Variants in PRDM6 observed in about 807,000 individuals in gnomAD.
PRDM6 encodes PR/SET domain 6.
PRDM6 carries 25 observed loss-of-function variants against 60.8 expected under a neutral mutation model. That is an observed-to-expected ratio of 0.41 (90% CI 0.30 to 0.57). The LOEUF is 0.57. PRDM6 is among the 20% of genes least tolerant of loss of function. PRDM6 has a pLI of 0.27. For missense variants in PRDM6, 839 were observed against 821.3 expected (o/e 1.02, Z -0.26); for synonymous variants, 407 against 357.4 (o/e 1.14, Z -1.57).
chr5:123,167,649 A>G (rs1452955902), intron 5 of PRDM6, among the ~76,000 whole-genome samples: 1 of 152,188 alleles, frequency 6.6e-6, no homozygotes, highest in Non-Finnish European at 1.5e-5. Context: ...TCAGCCTCCC[A>G]AAGTGCTGGG....
intron 5 of PRDM6, among the ~76,000 whole-genome samples, chr5:123,161,852 C>T (rs60817479): frequency 2.6e-5 from 4 of 152,070 alleles, no homozygotes; most frequent in Non-Finnish European, 4.4e-5. Context: ...GGAATAATCC[C>T]TGAGTGGAGA....
chr5:123,090,963 G>C (rs990436942), intron 2 of PRDM6, among the ~76,000 whole-genome samples: 1 of 152,216 alleles, frequency 6.6e-6, no homozygotes, highest in African/African-American at 2.4e-5. Flanking sequence ...GGTACTGGCA[G>C]CGTGTGACAG....
intron 3 of PRDM6, among the ~76,000 whole-genome samples, chr5:123,103,169 G>A (rs337123): frequency 0.12 from 18,749 of 151,820 alleles, 1,313 homozygotes; most frequent in East Asian, 0.26. Context: ...TGACTCTTCT[G>A]GGTATTTATG....
chr5:123,098,748 T>C (rs1561801751), intron 2 of PRDM6, among the ~76,000 whole-genome samples: 2 of 152,174 alleles, frequency 1.3e-5, no homozygotes, highest in Non-Finnish European at 2.9e-5. Context: ...ATTAGGCTGA[T>C]CGTTAAATTT....
At chr5:123,117,694 A>G (rs1286598044) in intron 3 of PRDM6, among the ~76,000 whole-genome samples, 1 of 152,240 alleles carries the variant, frequency 6.6e-6, no homozygotes, top group African/African-American at 2.4e-5. Context: ...GTTCTGTTTA[A>G]TCTTGCCAAA....
Position 123,191,540 on chromosome 5 carries a change from A to T in PRDM6, c.*4339A>T, listed in dbSNP as rs575904115. On this transcript the variant is annotated 3_prime_UTR_variant, in exon 8 of 8. Transcript: ENST00000407847. ...TTTTATTTCCCAGAGTCTTTACTAG[A>T]TCCTGACATCAGATTTTAAAAGATA... 1.2e-3 allele frequency: 184 copies of T among 152,298 alleles called. No homozygotes were observed. The highest frequency in any genetic ancestry group is 4.1e-3 in the African/African-American group (169 of 41,564). 9.4% of individuals were successfully genotyped at this position (152,298 alleles called of 1,614,324 possible).
rs1343961266 is a variant in PRDM6, at chr5:123,187,015, C to G, written c.1674-72C>G. ...CTTTGGAGTGTCTGTTCTGATTAGG[C>G]AGGATGAGAGGAAGCCCATCACCCT... On this transcript the variant is annotated intron_variant, in intron 7 of 7. Coordinates refer to ENST00000407847, the MANE Select transcript of PRDM6 (RefSeq NM_001136239.4). 2.7e-6 allele frequency: 3 copies of G among 1,112,450 alleles called. No homozygotes were observed. The East Asian group carries it at 7.8e-5, about 29-fold the overall frequency. 68.9% of individuals were successfully genotyped at this position (1,112,450 alleles called of 1,614,324 possible).
chr5:123,103,893 A>G (rs1324228784), intron 3 of PRDM6, among the ~76,000 whole-genome samples: 1 of 152,082 alleles, frequency 6.6e-6, no homozygotes, highest in Non-Finnish European at 1.5e-5. Context: ...CCCTAGAAAA[A>G]TTATCCTGCT....
intron 3 of PRDM6, among the ~76,000 whole-genome samples, chr5:123,152,010 G>GA: frequency 6.6e-6 from 1 of 152,038 alleles, no homozygotes; most frequent in South Asian, 2.1e-4. Context: ...AAAAAAAACA[G>GA]AAAAAAACAA....
At chr5:123,102,079 T>C (rs1438798220) in intron 3 of PRDM6, among the ~76,000 whole-genome samples, 4 of 152,162 alleles carry the variant, frequency 2.6e-5, no homozygotes, top group Non-Finnish European at 5.9e-5. Context: ...ATTCAGGACA[T>C]AATCTATTTT....
At chr5:123,127,679 CTTTCTTTCT>C (rs1764723100) in intron 3 of PRDM6, among the ~76,000 whole-genome samples, 2 of 150,070 alleles carry the variant, frequency 1.3e-5, no homozygotes, top group Admixed American at 1.3e-4. Context: ...GGGATTTCTT[CTTTCTTTCT>C]TTTCTTTCTC....
At chr5:123,100,809 A>C (rs1219958723) in intron 3 of PRDM6, among the ~76,000 whole-genome samples, 1 of 152,230 alleles carries the variant, frequency 6.6e-6, no homozygotes, top group African/African-American at 2.4e-5. Context: ...ATTGAGGTTC[A>C]CTTCTGAAGA....
chr5:123,159,740 A>C, intron 5 of PRDM6, 102 bp downstream of exon 5: 1 of 1,108,590 alleles, frequency 9.0e-7, no homozygotes, highest in Non-Finnish European at 1.3e-6. Context: ...GGTTCACTGT[A>C]ATAAGTAACA....
At chr5:123,159,718 C>T in intron 5 of PRDM6, 80 bp downstream of exon 5, 1 of 1,375,710 alleles carries the variant, frequency 7.3e-7, no homozygotes, top group Non-Finnish European at 1.0e-6. Flanking sequence ...TTTTTTGAAA[C>T]TCATGAAACG....
At chr5:123,162,549 C>G (rs941517414) in intron 5 of PRDM6, among the ~76,000 whole-genome samples, 1 of 152,138 alleles carries the variant, frequency 6.6e-6, no homozygotes, top group Non-Finnish European at 1.5e-5. Flanking sequence ...AAAGCTACAA[C>G]AGCTTGAAGT....
intron 6 of PRDM6, among the ~76,000 whole-genome samples, chr5:123,174,670 C>G (rs566204815): frequency 6.6e-6 from 1 of 152,084 alleles, no homozygotes; most frequent in South Asian, 2.1e-4. Context: ...AAGTCTATGC[C>G]TTGATATAAA....
At chr5:123,140,925 C>T (rs774429159) in intron 3 of PRDM6, among the ~76,000 whole-genome samples, 2 of 151,894 alleles carry the variant, frequency 1.3e-5, no homozygotes, top group Non-Finnish European at 2.9e-5. Flanking sequence ...TTTCATCAGG[C>T]GTGTCCCCCT....
intron 2 of PRDM6, among the ~76,000 whole-genome samples, chr5:123,096,233 G>C (rs1422870896): frequency 8.8e-5 from 1 of 11,320 alleles, no homozygotes; most frequent in African/African-American, 3.6e-4. Flanking sequence ...AGGAACCTAA[G>C]TAGTTGTATT....
intron 3 of PRDM6, among the ~76,000 whole-genome samples, chr5:123,102,873 T>G (rs1764134429): frequency 6.6e-6 from 1 of 152,108 alleles, no homozygotes; most frequent in African/African-American, 2.4e-5. Context: ...AGTTTACACT[T>G]CATTGTTTTT....
Sources: gnomAD v4.1 joint callset for allele counts (sites outside exome capture counted in the v4.1 genomes callset) on GRCh38, gnomAD v4.1.1 for gene constraint, MANE v1.5 for transcripts, NCBI Gene and HGNC (gene_info 2026-07-23, HGNC 2026-07-21) for gene names.